The following SCUBE1 variants were observed in gnomAD, a reference collection of about 807,000 sequenced individuals.
SCUBE1 encodes the protein signal peptide, CUB and EGF-like domain-containing protein 1.
Under a neutral mutation model 124.4 loss-of-function variants are expected in SCUBE1, and 59 were observed. The observed-to-expected ratio is 0.47, with a 90% CI of 0.38 to 0.59. SCUBE1 has a LOEUF of 0.59. SCUBE1 is among the 20% of genes least tolerant of loss of function. The probability of loss-of-function intolerance (pLI) is 0.00; values close to 1 mark genes in which losing one functional copy is unlikely to be tolerated. For missense variants in SCUBE1, 1,150 were observed against 1,371.2 expected, an observed-to-expected ratio of 0.84 and a Z score of 2.55; for synonymous variants, 545 against 550.9, an observed-to-expected ratio of 0.99 and a Z score of 0.15.
chr22:43,222,216 C>T (rs756113210), intron 12 of SCUBE1, among the ~76,000 whole-genome samples: 12 of 152,216 alleles, frequency 7.9e-5, no homozygotes, highest in Non-Finnish European at 5.9e-5. Context: ...CCAAGCCCAG[C>T]GGGTCACTCC....
At chr22:43,226,355 C>G (rs1922303255) in intron 10 of SCUBE1, among the ~76,000 whole-genome samples, 1 of 152,154 alleles carries the variant, frequency 6.6e-6, no homozygotes, top group African/African-American at 2.4e-5. Flanking sequence ...AAGGCTGCGG[C>G]TCTGGGTGGG....
intron 6 of SCUBE1, among the ~76,000 whole-genome samples, chr22:43,253,675 C>T (rs1277004695): frequency 6.6e-6 from 1 of 151,154 alleles, no homozygotes; most frequent in African/African-American, 2.4e-5. Context: ...GGCCTTTATC[C>T]ACTGACTCTC....
rs7289873 is a variant in SCUBE1 at position 43,326,155 on chromosome 22, G to A, written c.221-6090C>T. ...TTAAAGCATCCCACTCTCTACTCTC[G>A]GAGATCATTACTGAAAATGTCTTCT... On this transcript the variant is annotated intron_variant, in intron 2 of 21. Coordinates refer to ENST00000360835, the MANE Select transcript of SCUBE1 (RefSeq NM_173050.5). Among the ~76,000 whole-genome samples the A allele has an allele frequency of 4.1e-3, 622 of 151,964 alleles. 2 individuals carry two copies. Among genetic ancestry groups the A allele is most frequent in the Non-Finnish European group, 5.8e-3 (393 of 67,980 alleles).
chr22:43,239,818 C>A (rs1187443782), intron 6 of SCUBE1, among the ~76,000 whole-genome samples: 1 of 152,198 alleles, frequency 6.6e-6, no homozygotes, highest in African/African-American at 2.4e-5. Context: ...AGGTGGAAAG[C>A]CAATGGGCGC....
intron 14 of SCUBE1, among the ~76,000 whole-genome samples, chr22:43,219,815 C>G (rs975273511): frequency 1.3e-5 from 2 of 151,978 alleles, no homozygotes; most frequent in African/African-American, 4.8e-5. Flanking sequence ...GGGGGCAGAC[C>G]TCAGTTCTAT....
chr22:43,203,835 C>A lies in SCUBE1; in HGVS notation c.*162G>T. The A allele has an allele frequency of 4.3e-6, 3 of 699,208 alleles. No homozygotes were observed. The highest frequency in any genetic ancestry group is 7.0e-6 in the Non-Finnish European group (3 of 429,456). The allele number at this position is 699,208 out of a possible 1,614,324, so 43.3% of individuals were successfully genotyped here. A position where few individuals can be genotyped will look rare whatever the true frequency, so the allele number is the denominator to read the frequency against. ...GGTGCTCCCACAGGGGCAGCGGGTC[C>A]GAAGGGTGCCTGGGCTCGGTCTCCA... On this transcript the variant is annotated 3_prime_UTR_variant, in exon 22 of 22. Transcript: ENST00000360835.
In SCUBE1 at chr22:43,212,534, G is replaced by A. The variant is rs761547566; in HGVS notation, c.2112C>T (p.Pro704=). Residue 704 remains proline (P), a synonymous_variant, in exon 17 of 22, where the codon CCC becomes CCT. Coordinates refer to ENST00000360835, the MANE Select transcript of SCUBE1 (RefSeq NM_173050.5). ...CGGGCTCAGGCTGGTACGTGCCCAC[G>A]GGGCAGGCCTGGCAGGGCTTGAAGC... is the stretch of plus-strand genomic sequence containing the variant. ...ADGFKPCQAC[P]VGTYQPEPGR... 5.8e-6 allele frequency: 9 copies of A among 1,563,360 alleles called. No homozygotes were observed. The highest frequency in any genetic ancestry group is 2.4e-5 in the South Asian group (2 of 84,652).
rs1920950203 is a variant in SCUBE1 at position 43,197,417 on chromosome 22, C to T, written c.*6580G>A. 1 of 152,206 alleles carries T rather than the reference C, an allele frequency of 6.6e-6. No homozygotes were observed. The highest frequency in any genetic ancestry group is 2.1e-4 in the South Asian group (1 of 4,838). 9.4% of individuals were successfully genotyped at this position (152,206 alleles called of 1,614,324 possible). A position where few individuals can be genotyped will look rare whatever the true frequency, so the allele number is the denominator to read the frequency against. ...AAGATGTGGTTATGTTGGTATTTGC[C>T]ACTTGCAGGCAGAGTCGTTGCCAAG... On this transcript the variant is annotated 3_prime_UTR_variant, in exon 22 of 22. Transcript: ENST00000360835.
At position 43,258,902 on chromosome 22, in the gene SCUBE1, G is replaced by A. The variant is rs944522429; in HGVS notation, c.611-567C>T. Among the ~76,000 whole-genome samples the A allele has an allele frequency of 2.0e-5, 3 of 152,130 alleles. No individual in the cohort carries two copies. The highest frequency in any genetic ancestry group is 4.8e-5 in the African/African-American group (2 of 41,414). On this transcript the variant is annotated intron_variant, in intron 5 of 21. Transcript: ENST00000360835. The surrounding 1 kb of genome is among the most constrained non-coding windows in gnomAD (Gnocchi z 5.0). ...TATCCCCTCAAAGCCCTAATCCTCC[G>A]GGAGCTCGGCAATGTCCGAACAGAC...
intron 15 of SCUBE1, among the ~76,000 whole-genome samples, chr22:43,215,562 T>G (rs942257553): frequency 3.3e-5 from 5 of 152,116 alleles, no homozygotes; most frequent in Admixed American, 6.6e-5. Context: ...AGTGGCGGGC[T>G]GGGGGTATCC....
Position 43,340,281 on chromosome 22 carries a change from C to A in SCUBE1, c.89-1046G>T, listed in dbSNP as rs1481921624. Among the ~76,000 whole-genome samples the A allele has an allele frequency of 6.6e-5, 10 of 152,252 alleles. No homozygotes were observed. The East Asian group carries it at 1.9e-3, about 30-fold the overall frequency. Reference sequence around the variant, plus strand: ...CACATGGTCCTCCCTCCTCGGAAATCCACACGTGAACCTGGTTTTCATGTC... The same window carrying A: ...CACATGGTCCTCCCTCCTCGGAAATACACACGTGAACCTGGTTTTCATGTC... On this transcript the variant is annotated intron_variant, in intron 1 of 21. Transcript: ENST00000360835.
intron 14 of SCUBE1, among the ~76,000 whole-genome samples, chr22:43,219,921 G>A (rs973464625): frequency 6.6e-6 from 1 of 151,884 alleles, no homozygotes; most frequent in Admixed American, 6.6e-5. Context: ...GTGTTACCTG[G>A]GTGGGGACTT....
At chr22:43,324,188 C>A (rs1926648568) in intron 2 of SCUBE1, among the ~76,000 whole-genome samples, 1 of 152,148 alleles carries the variant, frequency 6.6e-6, no homozygotes, top group African/African-American at 2.4e-5. Flanking sequence ...AGTTATTAAC[C>A]TTTTCATTAT....
At chr22:43,204,246 T>C in intron 21 of SCUBE1, 97 bp from the exon 22 acceptor site, 4 of 1,086,090 alleles carry the variant, frequency 3.7e-6, no homozygotes, top group Non-Finnish European at 5.5e-6. Flanking sequence ...ATGCGCTGGC[T>C]GGTGGGTTTC....
intron 9 of SCUBE1, among the ~76,000 whole-genome samples, chr22:43,228,205 G>A (rs1186342372): frequency 2.0e-5 from 3 of 152,146 alleles, no homozygotes; most frequent in Admixed American, 1.3e-4. Context: ...GGAAGAGAGA[G>A]GGGGACCGTC....
At chr22:43,232,094 C>A in intron 7 of SCUBE1, 2 of 564,260 alleles carry the variant, frequency 3.5e-6, no homozygotes, top group Non-Finnish European at 6.4e-6. Context: ...AGGGCCAGCT[C>A]CCCAAGCTTC....
At position 43,198,907 on chromosome 22, in the gene SCUBE1, TTGTCTGTCTGCTGTCTGGGGCAGTTTGTC is replaced by T. The variant is rs1468729548; in HGVS notation, c.*5061_*5089del. Reference sequence around the variant, plus strand: ...TTTGCTGTCTGCTTTCCGGGGCAGTTTGTCTGTCTGCTGTCTGGGGCAGTTTGTCTGTCTGTCTGCTGTCCGGGGCAGTT... The same window carrying T: ...TTTGCTGTCTGCTTTCCGGGGCAGTTTGTCTGTCTGCTGTCCGGGGCAGTT... On this transcript the variant is annotated 3_prime_UTR_variant, in exon 22 of 22. Coordinates refer to ENST00000360835, the MANE Select transcript of SCUBE1 (RefSeq NM_173050.5). 2.7e-5 allele frequency: 10 copies of T among 374,644 alleles called. No homozygotes were observed. Among genetic ancestry groups the T allele is most frequent in the East Asian group, 7.3e-5 (1 of 13,686 alleles). The allele number at this position is 374,644 out of a possible 1,614,324, so 23.2% of individuals were successfully genotyped here.
At chr22:43,266,248 C>T (rs1321808088) in intron 4 of SCUBE1, among the ~76,000 whole-genome samples, 1 of 152,190 alleles carries the variant, frequency 6.6e-6, no homozygotes, top group Non-Finnish European at 1.5e-5. Flanking sequence ...TGTGGTCAGG[C>T]TGGAGTCTGC....
At chr22:43,265,434 CTACTT>C (rs1470468168) in intron 4 of SCUBE1, among the ~76,000 whole-genome samples, 3 of 152,192 alleles carry the variant, frequency 2.0e-5, no homozygotes, top group Non-Finnish European at 2.9e-5. Context: ...TCAAAGGTCT[CTACTT>C]TACCTCTCAA....
Sources: allele counts gnomAD v4.1 joint callset (sites outside exome capture counted in the v4.1 genomes callset), GRCh38; gene constraint gnomAD v4.1.1; non-coding constraint Gnocchi (gnomAD v3.1); transcripts MANE v1.5; gene names NCBI Gene and HGNC (gene_info 2026-07-23, HGNC 2026-07-21).